The following MAPT variants were observed in gnomAD, a reference collection of about 807,000 sequenced individuals.
The protein encoded by MAPT is microtubule-associated protein tau.
Under a neutral mutation model 67.9 loss-of-function variants are expected in MAPT, and 34 were observed. That is an observed-to-expected ratio of 0.50 (90% confidence interval 0.38 to 0.67). MAPT has a LOEUF of 0.67. MAPT is among the 30% of genes least tolerant of loss of function. The pLI, the probability that MAPT is intolerant of heterozygous loss-of-function variation, is 0.00. For synonymous variants in MAPT, 456 were observed against 464.5 expected (o/e 0.98, Z 0.23); for missense variants, 881 against 1,115.2 (o/e 0.79, Z 2.99).
rs183936834 is a variant in MAPT, at chr17:45,952,706, G to A, written c.-17-9615G>A. ...CCTATGGACCCACATAGAATACAATGTCAGCATAAGAAGGGAGCCCTGGGG... is the reference window on the plus strand; with the variant it reads ...CCTATGGACCCACATAGAATACAATATCAGCATAAGAAGGGAGCCCTGGGG... On this transcript the variant is annotated intron_variant, in intron 1 of 12. Transcript: ENST00000262410. 2.0e-5 allele frequency among the ~76,000 whole-genome samples: 3 copies of A among 152,266 alleles called. No homozygotes were observed. The East Asian group carries it at 5.8e-4, about 29-fold the overall frequency.
intron 1 of MAPT, among the ~76,000 whole-genome samples, chr17:45,960,355 T>C (rs2070249140): frequency 6.6e-6 from 1 of 152,216 alleles, no homozygotes; most frequent in Admixed American, 6.5e-5. Flanking sequence ...AGGATTGGGC[T>C]CACTCCCTAC....
rs144644129 is a variant in MAPT at position 46,003,134 on chromosome 17, G to A, written c.1998+6470G>A. Among the ~76,000 whole-genome samples, 806 of 150,442 alleles carry A rather than the reference G, an allele frequency of 5.4e-3. 4 individuals are homozygous for A. The highest frequency in any genetic ancestry group is 9.1e-3 in the South Asian group (43 of 4,746). On this transcript the variant is annotated intron_variant, in intron 9 of 12. Transcript: ENST00000262410. Reference sequence around the variant, plus strand: ...TGTGTGTGTGTGTGGGCGCACTCTCGTCTTCACCTTCCCCCAGCCTTGCTC... The same window carrying A: ...TGTGTGTGTGTGTGGGCGCACTCTCATCTTCACCTTCCCCCAGCCTTGCTC...
chr17:45,956,385 C>T (rs2069655425), intron 1 of MAPT, among the ~76,000 whole-genome samples: 1 of 151,998 alleles, frequency 6.6e-6, no homozygotes, highest in Admixed American at 6.6e-5. Context: ...TCACACTTCC[C>T]AGGCTCCTTC....
chr17:45,970,934 C>T (rs1386575041), intron 2 of MAPT, among the ~76,000 whole-genome samples: 1 of 152,238 alleles, frequency 6.6e-6, no homozygotes, highest in African/African-American at 2.4e-5. Flanking sequence ...AGCATTTTGT[C>T]CCTTCCCAGT....
intron 11 of MAPT, 84 bp downstream of exon 11, chr17:46,014,408 C>T (rs1332830301): frequency 2.3e-5 from 22 of 941,452 alleles, no homozygotes; most frequent in Non-Finnish European, 3.9e-5. Context: ...CTCCAGACTT[C>T]AGAAGGGGCT....
intron 5 of MAPT, among the ~76,000 whole-genome samples, chr17:45,986,768 T>C (rs1236583697): frequency 6.6e-6 from 1 of 152,234 alleles, no homozygotes; most frequent in Non-Finnish European, 1.5e-5. Flanking sequence ...CCGTGACAGT[T>C]TCTGCTGCGT....
At chr17:45,913,295 C>T (rs537813490) in intron 1 of MAPT, among the ~76,000 whole-genome samples, 11 of 152,274 alleles carry the variant, frequency 7.2e-5, no homozygotes, top group East Asian at 1.9e-4. Flanking sequence ...CATCAGATCT[C>T]GTTAGACTTA....
rs1188378715 is a variant in MAPT at position 45,940,028 on chromosome 17, G to A, written c.-17-22293G>A. Among the ~76,000 whole-genome samples the A allele has an allele frequency of 3.3e-5, 5 of 152,150 alleles. No individual in the cohort carries two copies. In the East Asian group the frequency reaches 9.6e-4, roughly 29 times the overall value. On this transcript the variant is annotated intron_variant, in intron 1 of 12. Coordinates refer to ENST00000262410, the MANE Select transcript of MAPT (RefSeq NM_001377265.1). The stretch of plus-strand genomic sequence containing the variant: ...CTACTTTCGGAAGCACAAATGCAAT[G>A]CCCTAGAATTGTACTGGGGACTCAA...
chr17:45,999,634 G>C lies in MAPT; in HGVS notation c.1998+2970G>C, dbSNP rs766117197. 1 of 1,610,306 alleles carries C rather than the reference G, an allele frequency of 6.2e-7. No individual in the cohort carries two copies. The highest frequency in any genetic ancestry group is 1.1e-5 in the South Asian group (1 of 90,482). Reference sequence around the variant, plus strand: ...AGCTGCCCTGCCTCTGCCCATGAGGGGTGAGAGTCAGGCGACCTCATGCCA... The same window carrying C: ...AGCTGCCCTGCCTCTGCCCATGAGGCGTGAGAGTCAGGCGACCTCATGCCA... On this transcript the variant is annotated intron_variant, in intron 9 of 12. Transcript: ENST00000262410.
intron 1 of MAPT, among the ~76,000 whole-genome samples, chr17:45,960,287 T>G (rs2070242914): frequency 6.6e-6 from 1 of 152,264 alleles, no homozygotes; most frequent in African/African-American, 2.4e-5. Flanking sequence ...AGAGTCACCG[T>G]GTGCCCTGGA....
intron 1 of MAPT, among the ~76,000 whole-genome samples, chr17:45,932,780 A>G (rs560001757): frequency 1.3e-5 from 2 of 152,182 alleles, no homozygotes; most frequent in East Asian, 3.9e-4. Flanking sequence ...GATCGCACCA[A>G]TTGTTTATAA....
rs1000514923 is a variant in MAPT at position 45,896,381 on chromosome 17, C to A, written c.-18+1695C>A. ...ACCCATCCGGGGATGGGTGGGGAGCCCTGGCGGGGCCTCTCCGGCTTTACG... is the reference window on the plus strand; with the variant it reads ...ACCCATCCGGGGATGGGTGGGGAGCACTGGCGGGGCCTCTCCGGCTTTACG... On this transcript the variant is annotated intron_variant, in intron 1 of 12. Transcript: ENST00000262410. The surrounding 1 kb of genome is among the most constrained non-coding windows in gnomAD (Gnocchi z 5.6). 3 of 152,318 alleles carry A rather than the reference C, an allele frequency of 2.0e-5. No homozygotes were observed. The highest frequency in any genetic ancestry group is 4.4e-5 in the Non-Finnish European group (3 of 68,134). The allele number at this position is 152,318 out of a possible 1,614,324, so 9.4% of individuals were successfully genotyped here.
chr17:45,904,162 A>G (rs1182590992), intron 1 of MAPT, among the ~76,000 whole-genome samples: 1 of 29,938 alleles, frequency 3.3e-5, no homozygotes, highest in Non-Finnish European at 6.5e-5. Context: ...GTTATATATT[A>G]TATATATTTA....
At chr17:45,964,857 A>T (rs565127880) in intron 2 of MAPT, among the ~76,000 whole-genome samples, 6 of 151,616 alleles carry the variant, frequency 4.0e-5, no homozygotes, top group East Asian at 1.9e-4. Flanking sequence ...TCCATCCCAC[A>T]ACACTGCCTA....
In MAPT at chr17:46,012,220, C is replaced by T. The variant is rs546854999; in HGVS notation, c.2091+1818C>T. On this transcript the variant is annotated intron_variant, in intron 10 of 12. Coordinates refer to ENST00000262410, the MANE Select transcript of MAPT (RefSeq NM_001377265.1). ...GGCGGAGCTGGGGAGAGAGTGCACA[C>T]GGGCTGCGTGGCCAACCCCTCTGGG... is the stretch of plus-strand genomic sequence containing the variant. Among the ~76,000 whole-genome samples, 5 of 152,284 alleles carry T rather than the reference C, an allele frequency of 3.3e-5. No individual in the cohort carries two copies. The South Asian group carries it at 6.2e-4, about 19-fold the overall frequency.
At chr17:45,941,812 T>C (rs1598066986) in intron 1 of MAPT, among the ~76,000 whole-genome samples, 1 of 151,676 alleles carries the variant, frequency 6.6e-6, no homozygotes, top group Middle Eastern at 3.4e-3. Context: ...TGTTCTTTGG[T>C]CTTTCTGTTG....
At chr17:45,987,843 G>T (rs1479460233) in intron 6 of MAPT, among the ~76,000 whole-genome samples, 1 of 152,202 alleles carries the variant, frequency 6.6e-6, no homozygotes, top group African/African-American at 2.4e-5. Context: ...AGCTGGCCTG[G>T]GTCTCTGAAG....
intron 1 of MAPT, among the ~76,000 whole-genome samples, chr17:45,959,491 T>C (rs1443432670): frequency 1.3e-5 from 2 of 152,114 alleles, no homozygotes; most frequent in Non-Finnish European, 2.9e-5. Flanking sequence ...TGAAAAGCAA[T>C]TGGTGATGCT....
At chr17:45,916,489 T>C (rs1391344916) in intron 1 of MAPT, among the ~76,000 whole-genome samples, 3 of 152,002 alleles carry the variant, frequency 2.0e-5, no homozygotes, top group Admixed American at 6.6e-5. Context: ...CTCTCTGCCT[T>C]CCTGACAGTC....
Sources: allele counts gnomAD v4.1 joint callset (sites outside exome capture counted in the v4.1 genomes callset), GRCh38; gene constraint gnomAD v4.1.1; non-coding constraint Gnocchi (gnomAD v3.1); transcripts MANE v1.5; gene names NCBI Gene and HGNC (gene_info 2026-07-23, HGNC 2026-07-21).